LRRC4C: variants seen among roughly 807,000 people sequenced by gnomAD.
LRRC4C encodes the protein leucine rich repeat containing 4C, also known as leucine-rich repeat-containing protein 4C.
In LRRC4C, 5 loss-of-function variants were observed where a neutral mutation model predicts 33.6. The observed-to-expected ratio is 0.15, with a 90% CI of 0.08 to 0.31. LRRC4C has a LOEUF of 0.31. LRRC4C is among the 10% of genes least tolerant of loss of function. The pLI is 1.00. For synonymous variants in LRRC4C, 329 were observed against 302.0 expected, an observed-to-expected ratio of 1.09 and a Z score of -0.93; for missense variants, 560 against 796.7, an observed-to-expected ratio of 0.70 and a Z score of 3.58.
chr11:40,884,649 C>A (rs182860234), intron 2 of LRRC4C, among the ~76,000 whole-genome samples: 1 of 152,174 alleles, frequency 6.6e-6, no homozygotes, highest in East Asian at 1.9e-4. Context: ...TTCTATATCA[C>A]TGGACATGTC....
chr11:40,323,483 C>T (rs1488647853), intron 3 of LRRC4C, among the ~76,000 whole-genome samples: 1 of 152,168 alleles, frequency 6.6e-6, no homozygotes, highest in Non-Finnish European at 1.5e-5. Context: ...AGCTTCCAGA[C>T]TTCATGTATT....
At chr11:40,459,179 T>G (rs1403737209) in intron 3 of LRRC4C, among the ~76,000 whole-genome samples, 2 of 152,364 alleles carry the variant, frequency 1.3e-5, no homozygotes, top group East Asian at 3.9e-4. Flanking sequence ...ACTTCTATTT[T>G]ATAAGTGTTC....
chr11:40,463,959 G>T (rs375647462), intron 3 of LRRC4C, among the ~76,000 whole-genome samples: 1 of 152,130 alleles, frequency 6.6e-6, no homozygotes, highest in Admixed American at 6.6e-5. Flanking sequence ...AGAATATGGA[G>T]GGAATTATCC....
At chr11:40,800,972 T>G (rs1951016955) in intron 2 of LRRC4C, among the ~76,000 whole-genome samples, 1 of 152,116 alleles carries the variant, frequency 6.6e-6, no homozygotes, top group Non-Finnish European at 1.5e-5. Context: ...CTTCACTACC[T>G]TGCCTTCCCC....
At chr11:40,914,789 C>T (rs1956868625) in intron 2 of LRRC4C, among the ~76,000 whole-genome samples, 1 of 152,228 alleles carries the variant, frequency 6.6e-6, no homozygotes, top group African/African-American at 2.4e-5. Context: ...GATTATGTAT[C>T]TAGAAAACCC....
intron 3 of LRRC4C, among the ~76,000 whole-genome samples, chr11:40,627,253 T>TAGAGAGAGAGAGAGAGAGAGCG (rs1565574320): frequency 1.5e-5 from 2 of 129,056 alleles, no homozygotes; most frequent in Admixed American, 7.9e-5. Flanking sequence ...TGTTTCCCAT[T>TAGAGAGAGAGAGAGAGAGAGCG]AGAGAGAGAG....
At chr11:40,452,958 A>C (rs1281674316) in intron 3 of LRRC4C, among the ~76,000 whole-genome samples, 2 of 149,490 alleles carry the variant, frequency 1.3e-5, no homozygotes, top group Non-Finnish European at 3.0e-5. Flanking sequence ...GCATGTTCTC[A>C]CTCATCGGTG....
intron 4 of LRRC4C, among the ~76,000 whole-genome samples, chr11:40,280,476 G>A (rs1943399853): frequency 6.6e-6 from 1 of 152,162 alleles, no homozygotes; most frequent in Admixed American, 6.5e-5. Context: ...CTGCGACACG[G>A]TCCCGCAACA....
At chr11:40,280,617 A>T (rs996527747) in intron 4 of LRRC4C, among the ~76,000 whole-genome samples, 1 of 152,158 alleles carries the variant, frequency 6.6e-6, no homozygotes, top group Non-Finnish European at 1.5e-5. Context: ...CTCGGGGTCT[A>T]CAGGAACCTT....
At chr11:40,370,885 G>A (rs1948420420) in intron 3 of LRRC4C, among the ~76,000 whole-genome samples, 1 of 152,128 alleles carries the variant, frequency 6.6e-6, no homozygotes. Flanking sequence ...CTGCAGTTAT[G>A]CAGGATTTTT....
intron 3 of LRRC4C, among the ~76,000 whole-genome samples, chr11:40,540,391 C>T (rs180876373): frequency 2.0e-5 from 3 of 152,148 alleles, no homozygotes; most frequent in Admixed American, 1.3e-4. Context: ...AACCTGCCAA[C>T]CTCACCTCTG....
chr11:41,335,389 A>T (rs1220184269), intron 1 of LRRC4C, among the ~76,000 whole-genome samples: 2 of 152,200 alleles, frequency 1.3e-5, no homozygotes, highest in African/African-American at 4.8e-5. Flanking sequence ...CCCACCATTC[A>T]CATCCAGATT....
In LRRC4C at chr11:40,419,912, T is replaced by C. The variant is rs149697236; in HGVS notation, c.-269-100191A>G. On this transcript the variant is annotated intron_variant, in intron 3 of 6. Coordinates refer to ENST00000528697, the MANE Select transcript of LRRC4C (RefSeq NM_001258419.2). The stretch of plus-strand genomic sequence containing the variant: ...TGAAGAATGAAGCACCAGGTCCAGA[T>C]ATTTGGTGAACTTCTGATGAATCTA... Among the ~76,000 whole-genome samples the C allele has an allele frequency of 7.1e-3, 1,088 of 152,280 alleles. 6 individuals are homozygous for C. Among genetic ancestry groups the C allele is most frequent in the South Asian group, 0.014 (69 of 4,828 alleles).
intron 5 of LRRC4C, among the ~76,000 whole-genome samples, chr11:40,180,994 C>G (rs1325533085): frequency 6.6e-6 from 1 of 152,140 alleles, no homozygotes; most frequent in Non-Finnish European, 1.5e-5. Context: ...CTAATAGAGA[C>G]AGTAGTCTTG....
intron 1 of LRRC4C, among the ~76,000 whole-genome samples, chr11:41,140,758 G>A (rs1198832298): frequency 8.2e-6 from 1 of 121,366 alleles, no homozygotes; most frequent in African/African-American, 2.9e-5. Flanking sequence ...TCTCCTTATT[G>A]CCAGAAATTA....
chr11:40,917,360 T>A (rs1957004840), intron 2 of LRRC4C, among the ~76,000 whole-genome samples: 2 of 152,164 alleles, frequency 1.3e-5, no homozygotes. Context: ...AATTTGTGAA[T>A]GCTCATCTGT....
chr11:40,297,928 T>G (rs1266310636), intron 4 of LRRC4C, among the ~76,000 whole-genome samples: 1 of 152,166 alleles, frequency 6.6e-6, no homozygotes, highest in Non-Finnish European at 1.5e-5. Context: ...TACTATTACT[T>G]ATTGTGATGG....
intron 3 of LRRC4C, among the ~76,000 whole-genome samples, chr11:40,377,571 T>C (rs75685942): frequency 0.014 from 2,197 of 152,262 alleles, 47 homozygotes; most frequent in African/African-American, 0.049. Flanking sequence ...TGATTATTTT[T>C]AAATTCTTAG....
intron 2 of LRRC4C, among the ~76,000 whole-genome samples, chr11:40,810,825 C>T (rs1414715878): frequency 6.6e-6 from 1 of 152,138 alleles, no homozygotes; most frequent in Non-Finnish European, 1.5e-5. Context: ...TTGTTCACTA[C>T]TGGGGCCTGC....
Sources: allele counts gnomAD v4.1 joint callset (sites outside exome capture counted in the v4.1 genomes callset), GRCh38; gene constraint gnomAD v4.1.1; transcripts MANE v1.5; gene names NCBI Gene and HGNC (gene_info 2026-07-23, HGNC 2026-07-21).